Variants in SARNP observed in about 807,000 individuals in gnomAD.
The protein encoded by SARNP is SAP domain-containing ribonucleoprotein.
SARNP carries 5 observed loss-of-function variants against 38.1 expected under a neutral mutation model. The ratio of observed to expected loss-of-function variants is 0.13; its 90% CI spans 0.07 to 0.28. The LOEUF is 0.28. Among genes scored for constraint, SARNP ranks in the 10% least tolerant of loss-of-function variants. SARNP has a pLI of 1.00. For synonymous variants in SARNP, 84 were observed against 80.6 expected, an observed-to-expected ratio of 1.04 and a Z score of -0.23; for missense variants, 180 against 243.9, an observed-to-expected ratio of 0.74 and a Z score of 1.75.
At chr12:55,802,399 A>G (rs1036013034) in intron 2 of SARNP, among the ~76,000 whole-genome samples, 16 of 151,984 alleles carry the variant, frequency 1.1e-4, no homozygotes, top group African/African-American at 3.4e-4. Context: ...AGCATCACCA[A>G]TCTGAAAATT....
intron 2 of SARNP, among the ~76,000 whole-genome samples, chr12:55,803,370 G>A (rs915558323): frequency 1.1e-4 from 17 of 152,024 alleles, no homozygotes; most frequent in Admixed American, 6.6e-4. Flanking sequence ...TGTAGTCCCA[G>A]CTGCTTGGGA....
intron 9 of SARNP, among the ~76,000 whole-genome samples, chr12:55,784,839 A>T (rs1224090002): frequency 6.6e-6 from 1 of 152,248 alleles, no homozygotes; most frequent in African/African-American, 2.4e-5. Flanking sequence ...TGTTTAAATT[A>T]GGATAGTTCT....
downstream of SARNP, chr12:55,754,143 A>G (rs570493461): frequency 6.6e-6 from 1 of 152,320 alleles, no homozygotes; most frequent in African/African-American, 2.4e-5. Flanking sequence ...GTTGAGTAGC[A>G]GAAGTGTTAT....
chr12:55,774,564 AAAAAAAAAAACAAAC>A (rs1221821963), intron 9 of SARNP, among the ~76,000 whole-genome samples: 2 of 87,176 alleles, frequency 2.3e-5, no homozygotes, highest in African/African-American at 1.2e-4. Context: ...CTACTGAAAA[AAAAAAAAAAACAAAC>A]AAAAAAAAAA....
intron 9 of SARNP, among the ~76,000 whole-genome samples, chr12:55,761,199 T>TA (rs1878665514): frequency 6.6e-6 from 1 of 150,678 alleles, no homozygotes; most frequent in Admixed American, 6.6e-5. Context: ...ATAAATAAAA[T>TA]AAACAGTAAG....
intron 9 of SARNP, among the ~76,000 whole-genome samples, chr12:55,783,604 G>T (rs1055571476): frequency 6.6e-6 from 1 of 152,050 alleles, no homozygotes; most frequent in African/African-American, 2.4e-5. Context: ...GGAGGAGGTG[G>T]GAGAGAGATT....
At chr12:55,785,143 G>T (rs1219973099) in intron 9 of SARNP, among the ~76,000 whole-genome samples, 1 of 152,052 alleles carries the variant, frequency 6.6e-6, no homozygotes, top group Non-Finnish European at 1.5e-5. Context: ...TTTTAAACTA[G>T]TTTTTTGCCA....
chr12:55,802,703 A>G lies in SARNP; in HGVS notation c.136+926T>C, dbSNP rs866216711. ...TTCTAGTCCCAAGCATTTCAAATAT[A>G]TAACACTCAACCCATAGTATAATAT... On this transcript the variant is annotated intron_variant, in intron 2 of 10. Coordinates refer to ENST00000336133, the MANE Select transcript of SARNP (RefSeq NM_033082.4). Among the ~76,000 whole-genome samples the G allele has an allele frequency of 3.3e-4, 50 of 151,720 alleles. 1 individual carries two copies. The Middle Eastern group carries it at 0.017, about 52-fold the overall frequency.
chr12:55,755,843 G>C (rs1020862398), downstream of SARNP: 1 of 152,100 alleles, frequency 6.6e-6, no homozygotes, highest in Non-Finnish European at 1.5e-5. Flanking sequence ...AGATCTAGGG[G>C]AAGTAAGATG....
downstream of SARNP, chr12:55,754,964 T>G (rs1011850637): frequency 6.6e-6 from 1 of 152,130 alleles, no homozygotes; most frequent in African/African-American, 2.4e-5. Flanking sequence ...GGGAAAGAGA[T>G]AACAAGAAAG....
chr12:55,779,035 CAAAA>C (rs1332627160), intron 9 of SARNP, among the ~76,000 whole-genome samples: 3 of 152,164 alleles, frequency 2.0e-5, no homozygotes, highest in Middle Eastern at 3.4e-3. Context: ...ACTAAACAAA[CAAAA>C]AACTCCAAGA....
chr12:55,776,480 G>A (rs1017593541), intron 9 of SARNP, among the ~76,000 whole-genome samples: 7 of 152,130 alleles, frequency 4.6e-5, no homozygotes, highest in Non-Finnish European at 8.8e-5. Context: ...ATGCTCATCC[G>A]CCTACATACT....
chr12:55,773,514 T>G (rs773711435), intron 9 of SARNP, among the ~76,000 whole-genome samples: 8 of 151,988 alleles, frequency 5.3e-5, no homozygotes, highest in Non-Finnish European at 8.8e-5. Flanking sequence ...ACAATTCAAA[T>G]AGAAAAGCAG....
At chr12:55,800,756 A>C (rs1193364912) in intron 3 of SARNP, 98 bp downstream of exon 3, 1 of 1,307,618 alleles carries the variant, frequency 7.6e-7, no homozygotes, top group East Asian at 2.3e-5. Flanking sequence ...TGCTCCCCTA[A>C]TAAATTTACA....
At chr12:55,793,756 TTAATA>T (rs1320822787) in intron 7 of SARNP, 2 of 152,876 alleles carry the variant, frequency 1.3e-5, no homozygotes, top group Non-Finnish European at 2.9e-5. Context: ...GAACGTACTG[TTAATA>T]TAATTTTGTA....
chr12:55,762,817 A>C (rs1440139572), intron 9 of SARNP, among the ~76,000 whole-genome samples: 1 of 152,178 alleles, frequency 6.6e-6, no homozygotes, highest in Non-Finnish European at 1.5e-5. Context: ...CACCTGTACA[A>C]ATCAAAAGCA....
intron 1 of SARNP, among the ~76,000 whole-genome samples, chr12:55,806,119 C>T (rs931197746): frequency 2.6e-5 from 4 of 151,944 alleles, no homozygotes; most frequent in Non-Finnish European, 5.9e-5. Flanking sequence ...AGCATAGCCT[C>T]TGAAGCCAGA....
chr12:55,806,297 C>T (rs1198878595), intron 1 of SARNP, among the ~76,000 whole-genome samples: 3 of 146,408 alleles, frequency 2.0e-5, no homozygotes, highest in South Asian at 2.2e-4. Context: ...TTTTTTGAGA[C>T]GGAGTCTTGC....
At chr12:55,805,601 C>CT (rs1880114865) in intron 1 of SARNP, among the ~76,000 whole-genome samples, 1 of 152,128 alleles carries the variant, frequency 6.6e-6, no homozygotes, top group Non-Finnish European at 1.5e-5. Flanking sequence ...AATCCCAGCA[C>CT]TTTGGGGGGC....
Sources: gnomAD v4.1 joint callset for allele counts (sites outside exome capture counted in the v4.1 genomes callset) on GRCh38, gnomAD v4.1.1 for gene constraint, MANE v1.5 for transcripts, NCBI Gene and HGNC (gene_info 2026-07-23, HGNC 2026-07-21) for gene names.